The following KHNYN variants were observed in gnomAD, a reference collection of about 807,000 sequenced individuals.
The protein encoded by KHNYN is KH and NYN domain containing.
Under a neutral mutation model 62.7 loss-of-function variants are expected in KHNYN, and 42 were observed. That is an observed-to-expected ratio of 0.67 (90% CI 0.52 to 0.87). The LOEUF (loss-of-function observed/expected upper bound fraction) is 0.87, where lower values mean the gene tolerates loss of function less well. Ranked by LOEUF, KHNYN falls within the 40% of genes least tolerant of loss-of-function variation. KHNYN has a pLI of 0.00. For missense variants in KHNYN, 829 were observed against 874.1 expected, an observed-to-expected ratio of 0.95 and a Z score of 0.65; for synonymous variants, 347 against 345.6, an observed-to-expected ratio of 1.00 and a Z score of -0.04.
At chr14:24,433,112 TG>T in intron 5 of KHNYN, 80 bp downstream of exon 5, 1 of 1,295,906 alleles carries the variant, frequency 7.7e-7, no homozygotes, top group Non-Finnish European at 1.1e-6. Flanking sequence ...AAGCTCCTGG[TG>T]GTTTACGCTG....
In KHNYN at chr14:24,436,503, T is replaced by C; in HGVS notation, c.1787+14T>C. ...GAAGCCAGCCAGGTAATCAATCCCCTAGACTACTTACAGGCAGCCCCCACC... is the reference window on the plus strand; with the variant it reads ...GAAGCCAGCCAGGTAATCAATCCCCCAGACTACTTACAGGCAGCCCCCACC... On this transcript the variant is annotated intron_variant, in intron 7 of 7. Coordinates refer to ENST00000553935, the MANE Select transcript of KHNYN (RefSeq NM_015299.3). 6.3e-7 allele frequency: 1 copy of C among 1,593,692 alleles called. No individual in the cohort carries two copies. The highest frequency in any genetic ancestry group is 8.6e-7 in the Non-Finnish European group (1 of 1,166,192).
Position 24,440,806 on chromosome 14 carries a change from G to A in KHNYN, c.*3521G>A, listed in dbSNP as rs2043312783. On this transcript the variant is annotated 3_prime_UTR_variant, in exon 8 of 8. Transcript: ENST00000553935. ...ACCTGAGCGCACCACCACCTGGCGT[G>A]TAGAATCTCCAGGAAGCCTGGCTGC... The A allele has an allele frequency of 6.2e-7, 1 of 1,613,778 alleles. No homozygotes were observed. Among genetic ancestry groups the A allele is most frequent in the East Asian group, 2.2e-5 (1 of 44,896 alleles).
intron 6 of KHNYN, 86 bp from the exon 7 acceptor site, chr14:24,436,302 A>G: frequency 7.0e-7 from 1 of 1,426,408 alleles, no homozygotes; most frequent in Non-Finnish European, 9.9e-7. Context: ...GGATGGAGCC[A>G]GCAGCTTCTG....
chr14:24,429,604 AC>A, upstream of KHNYN: 1 of 922,290 alleles, frequency 1.1e-6, no homozygotes, highest in Non-Finnish European at 1.4e-6. Flanking sequence ...CCTCCCGCCT[AC>A]CCCCTCCGCC....
Position 24,429,978 on chromosome 14 carries a change from G to A in KHNYN, c.-159G>A. ...CAGTTTGCGTGCGATGTGGACAAGA[G>A]AGGTCCCCGCTGGGTGAGGAACCCG... On this transcript the variant is annotated 5_prime_UTR_variant, in exon 1 of 8. Transcript: ENST00000553935. 3 of 988,678 alleles carry A rather than the reference G, an allele frequency of 3.0e-6. No individual in the cohort carries two copies. The highest frequency in any genetic ancestry group is 3.6e-6 in the Non-Finnish European group (3 of 831,556). 61.2% of individuals were successfully genotyped at this position (988,678 alleles called of 1,614,324 possible). A position where few individuals can be genotyped will look rare whatever the true frequency, so the allele number is the denominator to read the frequency against.
intron 1 of KHNYN, chr14:24,430,417 G>A: frequency 8.3e-7 from 1 of 1,197,778 alleles, no homozygotes; most frequent in Non-Finnish European, 1.0e-6. Context: ...ACTCCTTCTG[G>A]CCTCCAGGCC....
intron 5 of KHNYN, chr14:24,434,184 A>G: frequency 1.0e-6 from 1 of 985,384 alleles, no homozygotes; most frequent in Non-Finnish European, 1.2e-6. Context: ...GTTCGTTTTA[A>G]TGAATGTTAA....
Position 24,430,812 on chromosome 14 carries a change from C to A in KHNYN, c.82C>A (p.Gln28Lys). ...AEAENKVREQ[Q>K]PHVERIFSVG... ...GGCTGAGAACAAGGTTCGGGAACAGCAGCCCCATGTGGAGCGCATCTTCAG... is the reference window on the plus strand; with the variant it reads ...GGCTGAGAACAAGGTTCGGGAACAGAAGCCCCATGTGGAGCGCATCTTCAG... Residue 28 changes from glutamine (Q) to lysine (K), a missense_variant, in exon 2 of 8, where the codon CAG becomes AAG. Transcript: ENST00000553935. 6.2e-7 allele frequency: 1 copy of A among 1,611,906 alleles called. No individual in the cohort carries two copies. The highest frequency in any genetic ancestry group is 8.5e-7 in the Non-Finnish European group (1 of 1,179,090).
At chr14:24,435,783 C>A in intron 5 of KHNYN, 1 of 457,200 alleles carries the variant, frequency 2.2e-6, no homozygotes. Context: ...TAGTCAGTTG[C>A]CTGTAGCTGG....
chr14:24,433,330 C>T (rs1334021895), intron 5 of KHNYN, among the ~76,000 whole-genome samples: 1 of 152,234 alleles, frequency 6.6e-6, no homozygotes, highest in Admixed American at 6.5e-5. Flanking sequence ...GGTGGGAAAG[C>T]TGGTTACATA....
At position 24,441,093 on chromosome 14, in the gene KHNYN, T is replaced by C. The variant is rs1245216878; in HGVS notation, c.*3808T>C. ...TGAACTTCTCCATGACCTGAAGCGT[T>C]CCTTCCCTGGAGGAACTCTGGTTGC... On this transcript the variant is annotated 3_prime_UTR_variant, in exon 8 of 8. Transcript: ENST00000553935. 4.1e-6 allele frequency: 3 copies of C among 730,094 alleles called. No homozygotes were observed. The highest frequency in any genetic ancestry group is 4.6e-6 in the Non-Finnish European group (2 of 432,412). 45.2% of individuals were successfully genotyped at this position (730,094 alleles called of 1,614,324 possible). A position where few individuals can be genotyped will look rare whatever the true frequency, so the allele number is the denominator to read the frequency against.
Position 24,440,239 on chromosome 14 carries a change from G to T in KHNYN, c.*2954G>T, listed in dbSNP as rs913054560. ...CTTGCACCACAGCGCTGGGGAGAGG[G>T]ATGAAGGCTCGGCGGCCCAGGGCAG... On this transcript the variant is annotated 3_prime_UTR_variant, in exon 8 of 8. Coordinates refer to ENST00000553935, the MANE Select transcript of KHNYN (RefSeq NM_015299.3). 8 of 1,613,936 alleles carry T rather than the reference G, an allele frequency of 5.0e-6. No homozygotes were observed. Among genetic ancestry groups the T allele is most frequent in the Non-Finnish European group, 6.8e-6 (8 of 1,179,780 alleles).
chr14:24,431,061 C>A, intron 2 of KHNYN, 130 bp downstream of exon 2: 2 of 816,266 alleles, frequency 2.5e-6, no homozygotes, highest in South Asian at 3.7e-5. Flanking sequence ...GGTTGTCTCA[C>A]TGGCAACCTC....
chr14:24,427,992 G>C (rs757640049), upstream of KHNYN: 23 of 1,611,774 alleles, frequency 1.4e-5, no homozygotes, highest in Non-Finnish European at 2.0e-5. The surrounding 1 kb of genome is among the most constrained non-coding windows in gnomAD (Gnocchi z 4.4). Flanking sequence ...CTCACCTGGG[G>C]AGGGGAGCCC....
rs1222133663 is a variant in KHNYN at position 24,437,895 on chromosome 14, C to T, written c.*610C>T. 1 of 152,146 alleles carries T rather than the reference C, an allele frequency of 6.6e-6. No individual in the cohort carries two copies. Among genetic ancestry groups the T allele is most frequent in the Non-Finnish European group, 1.5e-5 (1 of 68,048 alleles). The allele number at this position is 152,146 out of a possible 1,614,324, so 9.4% of individuals were successfully genotyped here. On this transcript the variant is annotated 3_prime_UTR_variant, in exon 8 of 8. Coordinates refer to ENST00000553935, the MANE Select transcript of KHNYN (RefSeq NM_015299.3). This position sits in a 1 kb window ranked among gnomAD's most constrained non-coding sequence, Gnocchi z 5.5. ...TGCCTACAAATCAGGGGTAAAAATA[C>T]CTGTTGGGAGGAGAAATGAGAACAT...
In KHNYN at chr14:24,437,429, G is replaced by C. The variant is rs1428866815; in HGVS notation, c.*144G>C. On this transcript the variant is annotated 3_prime_UTR_variant, in exon 8 of 8. Transcript: ENST00000553935. This position sits in a 1 kb window ranked among gnomAD's most constrained non-coding sequence, Gnocchi z 5.5. ...GGATCAGGGAAGCCACTTTGGGACA[G>C]GTCCATAAAGTGAACTGATCTTACC... 1.1e-6 allele frequency: 1 copy of C among 932,106 alleles called. No homozygotes were observed. The highest frequency in any genetic ancestry group is 1.6e-6 in the Non-Finnish European group (1 of 633,084). 57.7% of individuals were successfully genotyped at this position (932,106 alleles called of 1,614,324 possible).
At chr14:24,429,815 G>C (rs868282294), upstream of KHNYN, 1 of 1,063,288 alleles carries the variant, frequency 9.4e-7, no homozygotes, top group Non-Finnish European at 1.1e-6. Flanking sequence ...CGCAAGGGGC[G>C]AGCCCTGGAG....
chr14:24,431,538 C>G lies in KHNYN; in HGVS notation c.277C>G (p.Leu93Val). 6.2e-7 allele frequency: 1 copy of G among 1,611,482 alleles called. No homozygotes were observed. The highest frequency in any genetic ancestry group is 8.5e-7 in the Non-Finnish European group (1 of 1,177,962). Residue 93 changes from leucine to valine, a missense_variant, in exon 3 of 8, where the codon CTG (leucine) becomes GTG (valine). Physicochemically the swap from Leu to Val is conservative, Grantham distance 32. This residue lies in a region of KHNYN where 559 missense variants were observed against 527.0 expected (regional missense o/e 1.06). Coordinates refer to ENST00000553935, the MANE Select transcript of KHNYN (RefSeq NM_015299.3). ...HYPPKLHCIF[L>V]GAQGFFLDCL... ...CCCGCCCAAACTGCACTGCATCTTT[C>G]TGGGAGCCCAGGGCTTCTTCCTTGA...
In KHNYN at chr14:24,441,611, C is replaced by G; in HGVS notation, c.*4326C>G. On this transcript the variant is annotated 3_prime_UTR_variant, in exon 8 of 8. Transcript: ENST00000553935. ...CAGTGCTCTGGTGTGTGCATAGCTA[C>G]AGAGGTCTGAGTTACCCCGTTCCCC... 7.1e-7 allele frequency: 1 copy of G among 1,411,102 alleles called. No individual in the cohort carries two copies. Among genetic ancestry groups the G allele is most frequent in the African/African-American group, 1.4e-5 (1 of 70,858 alleles). 87.4% of individuals were successfully genotyped at this position (1,411,102 alleles called of 1,614,324 possible).
Sources: gnomAD v4.1 joint callset for allele counts (sites outside exome capture counted in the v4.1 genomes callset) on GRCh38, gnomAD v4.1.1 for gene constraint, gnomAD v4.1.1 regional missense constraint, Gnocchi (gnomAD v3.1) non-coding constraint, MANE v1.5 for transcripts, NCBI Gene and HGNC (gene_info 2026-07-23, HGNC 2026-07-21) for gene names.